The following LINGO2 variants were observed in gnomAD, a reference collection of about 807,000 sequenced individuals.
LINGO2 encodes leucine-rich repeat and immunoglobulin-like domain-containing nogo receptor-interacting protein 2.
A neutral mutation model predicts 30.6 loss-of-function variants in LINGO2; 14 were observed. The observed-to-expected ratio is 0.46, with a 90% CI of 0.30 to 0.72. LINGO2 has a LOEUF of 0.72. Among genes scored for constraint, LINGO2 ranks in the 30% least tolerant of loss-of-function variants. The pLI is 0.07. For synonymous variants in LINGO2, 317 were observed against 288.5 expected (o/e 1.10, Z -1.00); for missense variants, 729 against 751.7 (o/e 0.97, Z 0.35).
chr9:28,471,696 G>C (rs1825527224), intron 2 of LINGO2, among the ~76,000 whole-genome samples: 1 of 152,120 alleles, frequency 6.6e-6, no homozygotes, highest in African/African-American at 2.4e-5. Context: ...AGAGCTACTA[G>C]AACTCTTATA....
the LINGO2 span, among the ~76,000 whole-genome samples, chr9:28,725,197 T>C: frequency 6.6e-6 from 1 of 152,066 alleles, no homozygotes; most frequent in African/African-American, 2.4e-5. Context: ...TCACACGTAT[T>C]ACCTATATGT....
intron 1 of LINGO2, among the ~76,000 whole-genome samples, chr9:28,489,699 C>T (rs369251738): frequency 9.2e-5 from 14 of 151,682 alleles, no homozygotes; most frequent in African/African-American, 3.4e-4. Flanking sequence ...GAGATCGAGA[C>T]CATCCTGGCC....
At chr9:29,076,385 A>AT in the LINGO2 span, among the ~76,000 whole-genome samples, 2 of 151,798 alleles carry the variant, frequency 1.3e-5, no homozygotes, top group Non-Finnish European at 2.9e-5. Flanking sequence ...TGTTATTAAC[A>AT]TAATTTTGAT....
At chr9:29,002,993 T>G in the LINGO2 span, among the ~76,000 whole-genome samples, 1 of 152,046 alleles carries the variant, frequency 6.6e-6, no homozygotes, top group Non-Finnish European at 1.5e-5. Context: ...AAATGACTGG[T>G]GTCCTTACAA....
intron 4 of LINGO2, among the ~76,000 whole-genome samples, chr9:28,255,552 T>G (rs1396702623): frequency 1.3e-5 from 2 of 152,118 alleles, no homozygotes; most frequent in Non-Finnish European, 2.9e-5. Flanking sequence ...GTAGAGTGTC[T>G]AGCACTTGTA....
chr9:28,104,557 T>G (rs1393019605), intron 4 of LINGO2, among the ~76,000 whole-genome samples: 1 of 151,970 alleles, frequency 6.6e-6, no homozygotes, highest in East Asian at 1.9e-4. Context: ...TAATGACCAT[T>G]TTGTTTACAT....
intron 4 of LINGO2, among the ~76,000 whole-genome samples, chr9:28,286,026 C>A (rs960787009): frequency 6.6e-6 from 1 of 152,118 alleles, no homozygotes; most frequent in Non-Finnish European, 1.5e-5. Flanking sequence ...CAACATGATA[C>A]CTAATAAATG....
chr9:29,153,550 G>A, the LINGO2 span, among the ~76,000 whole-genome samples: 1 of 152,130 alleles, frequency 6.6e-6, no homozygotes, highest in South Asian at 2.1e-4. Context: ...GCAAATGACA[G>A]TAACTTTAGA....
At chr9:28,543,771 T>C (rs1821811602) in intron 1 of LINGO2, among the ~76,000 whole-genome samples, 1 of 152,068 alleles carries the variant, frequency 6.6e-6, no homozygotes, top group Admixed American at 6.6e-5. Context: ...TAAAAGTAGG[T>C]GTTGCTTCAT....
the LINGO2 span, among the ~76,000 whole-genome samples, chr9:28,720,532 A>G: frequency 6.6e-6 from 1 of 152,194 alleles, no homozygotes; most frequent in East Asian, 1.9e-4. Flanking sequence ...CACGGAATTC[A>G]TATGTGTAAA....
At position 28,099,774 on chromosome 9, in the gene LINGO2, C is replaced by G. The variant is rs16912480; in HGVS notation, c.-86-87369G>C. 3.1e-3 allele frequency among the ~76,000 whole-genome samples: 473 copies of G among 152,248 alleles called. 2 individuals are homozygous for G. Among genetic ancestry groups the G allele is most frequent in the African/African-American group, 0.011 (461 of 41,566 alleles). Reference sequence around the variant, plus strand: ...AATGGCTTTTGAGGCCAGGAGAAATCTGGTCTTAAAAAACCTACTTCTCCA... The same window carrying G: ...AATGGCTTTTGAGGCCAGGAGAAATGTGGTCTTAAAAAACCTACTTCTCCA... On this transcript the variant is annotated intron_variant, in intron 4 of 5. Coordinates refer to ENST00000379992, the Ensembl canonical transcript of LINGO2.
At chr9:28,877,851 C>T in the LINGO2 span, among the ~76,000 whole-genome samples, 1 of 152,116 alleles carries the variant, frequency 6.6e-6, no homozygotes, top group Non-Finnish European at 1.5e-5. Flanking sequence ...GCAGTATGGC[C>T]ATTTTCACGA....
chr9:28,816,873 A>T, the LINGO2 span, among the ~76,000 whole-genome samples: 2 of 152,216 alleles, frequency 1.3e-5, no homozygotes, highest in Non-Finnish European at 2.9e-5. Flanking sequence ...AGCAAGACAT[A>T]GGAACTAACG....
the LINGO2 span, chr9:27,938,463 G>C: frequency 6.6e-6 from 1 of 152,166 alleles, no homozygotes; most frequent in African/African-American, 2.4e-5. Context: ...TATTTTGAGA[G>C]ATGGGGATGC....
At chr9:28,216,306 TTTTAA>T in intron 4 of LINGO2, among the ~76,000 whole-genome samples, 1 of 151,974 alleles carries the variant, frequency 6.6e-6, no homozygotes, top group Non-Finnish European at 1.5e-5. Context: ...ATTTTGGACC[TTTTAA>T]AAACAAAAGA....
rs192559882 is a variant in LINGO2, at chr9:28,028,574, G to T, written c.-86-16169C>A. Among the ~76,000 whole-genome samples the T allele has an allele frequency of 3.6e-3, 542 of 152,212 alleles. 3 individuals are homozygous for T. Among genetic ancestry groups the T allele is most frequent in the African/African-American group, 0.012 (507 of 41,540 alleles). ...GGTAGATTGATGTATCCAGGGGGTT[G>T]TTTCCAGGACCCCCATAGATACCAA... is the stretch of plus-strand genomic sequence containing the variant. On this transcript the variant is annotated intron_variant, in intron 4 of 5. Transcript: ENST00000379992.
the LINGO2 span, among the ~76,000 whole-genome samples, chr9:28,848,311 CAT>C: frequency 8.2e-6 from 1 of 121,970 alleles, no homozygotes; most frequent in Non-Finnish European, 1.7e-5. Context: ...TATATATACG[CAT>C]ATATAGTGTA....
the LINGO2 span, among the ~76,000 whole-genome samples, chr9:28,983,451 GAAGA>G: frequency 6.6e-6 from 1 of 151,582 alleles, no homozygotes; most frequent in South Asian, 2.1e-4. Context: ...TAGCAAATAA[GAAGA>G]AATACATAAT....
chr9:29,005,965 C>G, the LINGO2 span, among the ~76,000 whole-genome samples: 1 of 151,854 alleles, frequency 6.6e-6, no homozygotes. Context: ...ATAGGAATAG[C>G]TGACTGTAAT....
Sources: gnomAD v4.1 joint callset for allele counts (sites outside exome capture counted in the v4.1 genomes callset) on GRCh38, gnomAD v4.1.1 for gene constraint, MANE v1.5 for transcripts, NCBI Gene and HGNC (gene_info 2026-07-23, HGNC 2026-07-21) for gene names.